Variants in NEK7 observed in about 807,000 individuals in gnomAD.
The protein encoded by NEK7 is NIMA related kinase 7, also known as serine/threonine-protein kinase Nek7.
A neutral mutation model predicts 44.6 loss-of-function variants in NEK7; 18 were observed. The observed-to-expected ratio is 0.40, with a 90% confidence interval of 0.28 to 0.60. The LOEUF is 0.60. Among genes scored for constraint, NEK7 ranks in the 20% least tolerant of loss-of-function variants. The pLI is 0.38. For missense variants in NEK7, 256 were observed against 366.5 expected (o/e 0.70, Z 2.46); for synonymous variants, 130 against 121.1 (o/e 1.07, Z -0.48).
At chr1:198,250,777 T>C (rs1156594967) in intron 2 of NEK7, among the ~76,000 whole-genome samples, 2 of 146,096 alleles carry the variant, frequency 1.4e-5, no homozygotes, top group Non-Finnish European at 3.0e-5. Flanking sequence ...AAGGAGATTT[T>C]GGGCTGAGAC....
chr1:198,247,643 G>A (rs1430978463), intron 2 of NEK7, among the ~76,000 whole-genome samples: 1 of 152,006 alleles, frequency 6.6e-6, no homozygotes, highest in South Asian at 2.1e-4. Flanking sequence ...TTTAAAGGAA[G>A]CATGATCTTT....
intron 7 of NEK7, among the ~76,000 whole-genome samples, chr1:198,292,530 A>C (rs1326411369): frequency 6.6e-6 from 1 of 151,878 alleles, no homozygotes; most frequent in African/African-American, 2.4e-5. Flanking sequence ...ATTTACTCAT[A>C]CTCTACTAAA....
chr1:198,211,699 GA>G (rs947190379), intron 1 of NEK7, among the ~76,000 whole-genome samples: 14 of 151,722 alleles, frequency 9.2e-5, no homozygotes, highest in African/African-American at 3.1e-4. Flanking sequence ...AGTTCTAATG[GA>G]AAAAAAATGC....
At chr1:198,258,353 C>T (rs568036544) in intron 3 of NEK7, among the ~76,000 whole-genome samples, 61 of 152,230 alleles carry the variant, frequency 4.0e-4, no homozygotes, top group African/African-American at 1.4e-3. Context: ...GCAGGAGAAT[C>T]GCTTGAACCC....
intron 2 of NEK7, among the ~76,000 whole-genome samples, chr1:198,252,170 C>T (rs1222617875): frequency 1.3e-5 from 2 of 151,888 alleles, no homozygotes; most frequent in Admixed American, 1.3e-4. Flanking sequence ...TCAGTTTCCA[C>T]ACAGTTGAGC....
intron 1 of NEK7, among the ~76,000 whole-genome samples, chr1:198,225,684 C>T (rs962742395): frequency 1.1e-4 from 17 of 152,146 alleles, no homozygotes; most frequent in Non-Finnish European, 2.9e-5. Flanking sequence ...CCACAACTCA[C>T]CAACTTTAGT....
rs1396221624 is a variant in NEK7, at chr1:198,227,317, T to C, written c.-28-5236T>C. On this transcript the variant is annotated intron_variant, in intron 1 of 9. Coordinates refer to ENST00000367385, the MANE Select transcript of NEK7 (RefSeq NM_133494.3). Reference sequence around the variant, plus strand: ...AAGTCTTTGCTATTGTGAATAGTGCTGCTATAAACATACGTGTGCATGTGT... The same window carrying C: ...AAGTCTTTGCTATTGTGAATAGTGCCGCTATAAACATACGTGTGCATGTGT... 4.6e-5 allele frequency among the ~76,000 whole-genome samples: 7 copies of C among 152,220 alleles called. No homozygotes were observed. In the South Asian group the frequency reaches 6.2e-4, roughly 13 times the overall value.
At chr1:198,231,297 G>GTATATATATATATATATATATATATA (rs1236094292) in intron 1 of NEK7, among the ~76,000 whole-genome samples, 1 of 90,212 alleles carries the variant, frequency 1.1e-5, no homozygotes. Flanking sequence ...GTGTATGTGT[G>GTATATATATATATATATATATATATA]TGTGTATATA....
At chr1:198,256,393 C>A in intron 3 of NEK7, 1 of 1,611,978 alleles carries the variant, frequency 6.2e-7, no homozygotes, top group African/African-American at 1.3e-5. Context: ...TCTTGGAAAT[C>A]ATAAAGGGAT....
rs1654463944 is a variant in NEK7 at position 198,289,033 on chromosome 1, A to G, written c.590-3912A>G. Among the ~76,000 whole-genome samples the G allele has an allele frequency of 1.3e-5, 2 of 152,178 alleles. 1 individual carries two copies. The highest frequency in any genetic ancestry group is 4.1e-4 in the South Asian group (2 of 4,832). On this transcript the variant is annotated intron_variant, in intron 7 of 9. Transcript: ENST00000367385. Reference sequence around the variant, plus strand: ...CTCAGTTAATACTACTAACAATGAAATAAATTTGGCCTCTCTCCATTCTGT... The same window carrying G: ...CTCAGTTAATACTACTAACAATGAAGTAAATTTGGCCTCTCTCCATTCTGT...
chr1:198,202,039 C>T (rs1665445451), intron 1 of NEK7, among the ~76,000 whole-genome samples: 1 of 152,166 alleles, frequency 6.6e-6, no homozygotes, highest in Admixed American at 6.5e-5. Context: ...TTATTACAAT[C>T]AATTCATCTC....
At chr1:198,264,312 A>T (rs1316877336) in intron 5 of NEK7, 77 bp downstream of exon 5, 1 of 1,004,602 alleles carries the variant, frequency 1.0e-6, no homozygotes, top group Non-Finnish European at 1.5e-6. Flanking sequence ...ACACATAGGG[A>T]TATTAGATAT....
At position 198,321,356 on chromosome 1, in the gene NEK7, C is replaced by G. The variant is rs1214005123; in HGVS notation, c.*1834C>G. Reference sequence around the variant, plus strand: ...CTCTTAATGACTTTTAACATTTATACTGAGCATCCATAGATATATTCCTAG... The same window carrying G: ...CTCTTAATGACTTTTAACATTTATAGTGAGCATCCATAGATATATTCCTAG... On this transcript the variant is annotated 3_prime_UTR_variant, in exon 10 of 10. Coordinates refer to ENST00000367385, the MANE Select transcript of NEK7 (RefSeq NM_133494.3). 1 of 151,992 alleles carries G rather than the reference C, an allele frequency of 6.6e-6. No individual in the cohort carries two copies. Among genetic ancestry groups the G allele is most frequent in the Non-Finnish European group, 1.5e-5 (1 of 67,986 alleles). The allele number at this position is 151,992 out of a possible 1,614,324, so 9.4% of individuals were successfully genotyped here. A position where few individuals can be genotyped will look rare whatever the true frequency, so the allele number is the denominator to read the frequency against.
chr1:198,201,529 ACT>A (rs1410550333), intron 1 of NEK7, among the ~76,000 whole-genome samples: 2 of 152,178 alleles, frequency 1.3e-5, no homozygotes, highest in East Asian at 1.9e-4. Context: ...TAAAATACTT[ACT>A]GTCTGACCCT....
chr1:198,249,377 A>G (rs10922387), intron 2 of NEK7, among the ~76,000 whole-genome samples: 50,803 of 151,474 alleles, frequency 0.34, 9,721 homozygotes, highest in East Asian at 0.79. Context: ...TTATAGCAGC[A>G]TGATTTATAG....
At chr1:198,170,710 T>C (rs1268141281) in intron 1 of NEK7, among the ~76,000 whole-genome samples, 1 of 152,186 alleles carries the variant, frequency 6.6e-6, no homozygotes, top group African/African-American at 2.4e-5. Flanking sequence ...AATTGATGGT[T>C]TGAATACCAT....
chr1:198,268,313 T>C (rs923448177), intron 5 of NEK7, among the ~76,000 whole-genome samples: 7 of 151,862 alleles, frequency 4.6e-5, no homozygotes, highest in African/African-American at 1.5e-4. Context: ...CCTTACAGAC[T>C]ACCCATCCTC....
intron 9 of NEK7, among the ~76,000 whole-genome samples, chr1:198,297,696 G>A (rs375595157): frequency 1.3e-5 from 2 of 152,074 alleles, no homozygotes; most frequent in South Asian, 2.1e-4. Flanking sequence ...CTCGAAACAC[G>A]CATCTCTTAA....
intron 9 of NEK7, among the ~76,000 whole-genome samples, chr1:198,305,863 T>C (rs1452075421): frequency 6.6e-6 from 1 of 152,198 alleles, no homozygotes; most frequent in Non-Finnish European, 1.5e-5. Flanking sequence ...AACATTCTTT[T>C]GAAAGTCTAA....
Sources: gnomAD v4.1 joint callset for allele counts (sites outside exome capture counted in the v4.1 genomes callset) on GRCh38, gnomAD v4.1.1 for gene constraint, MANE v1.5 for transcripts, NCBI Gene and HGNC (gene_info 2026-07-23, HGNC 2026-07-21) for gene names.